Variants in COBL observed in about 807,000 individuals in gnomAD.
COBL encodes protein cordon-bleu.
Under a neutral mutation model 98.8 loss-of-function variants are expected in COBL, and 51 were observed. That is an observed-to-expected ratio of 0.52 (90% CI 0.41 to 0.65). COBL has a LOEUF of 0.65. COBL is among the 30% of genes least tolerant of loss of function. The probability of loss-of-function intolerance (pLI) is 0.00; values close to 1 mark genes in which losing one functional copy is unlikely to be tolerated. For missense variants in COBL, 1,617 were observed against 1,617.5 expected, an observed-to-expected ratio of 1.00 and a Z score of 0.01; for synonymous variants, 634 against 651.7, an observed-to-expected ratio of 0.97 and a Z score of 0.41.
chr7:51,248,046 G>C (rs1390169386), intron 1 of COBL, among the ~76,000 whole-genome samples: 1 of 152,030 alleles, frequency 6.6e-6, no homozygotes, highest in Non-Finnish European at 1.5e-5. Context: ...GGCTGAGGTG[G>C]GAGAATTGTC....
In COBL at chr7:51,190,404, C is replaced by T. The variant is rs571877718; in HGVS notation, c.685+446G>A. On this transcript the variant is annotated intron_variant, in intron 4 of 12. Transcript: ENST00000265136. The stretch of plus-strand genomic sequence containing the variant: ...TAATTTTAAAATTTTTTTGTAGAGA[C>T]GGGGTCTCACTATTTTGTCCAGGCT... 1.1e-4 allele frequency among the ~76,000 whole-genome samples: 16 copies of T among 151,980 alleles called. No individual in the cohort carries two copies. The South Asian group carries it at 1.2e-3, about 12-fold the overall frequency.
intron 8 of COBL, 115 bp from the exon 9 acceptor site, chr7:51,031,024 TA>T: frequency 1.4e-6 from 1 of 723,112 alleles, no homozygotes; most frequent in Non-Finnish European, 2.4e-6. Flanking sequence ...AGCAGTCACA[TA>T]CTCACTGTAC....
rs1253393260 is a variant in COBL, at chr7:51,065,165, C to A, written c.1096+20001G>T. The A allele has an allele frequency of 4.3e-6, 3 of 701,916 alleles. No homozygotes were observed. The Admixed American group carries it at 6.0e-5, about 14-fold the overall frequency. 43.5% of individuals were successfully genotyped at this position (701,916 alleles called of 1,614,324 possible). ...CTGATTAGGGATTGTCTCCCAAATG[C>A]CAATATTTCAGAGGTAGGTAAGACA... On this transcript the variant is annotated intron_variant, in intron 7 of 12. Transcript: ENST00000265136.
Position 51,079,491 on chromosome 7 carries a change from T to C in COBL, c.1096+5675A>G, listed in dbSNP as rs116854410. Among the ~76,000 whole-genome samples the C allele has an allele frequency of 5.7e-3, 871 of 152,352 alleles. 5 individuals are homozygous for C. The highest frequency in any genetic ancestry group is 9.8e-3 in the Non-Finnish European group (666 of 68,034). ...CACCTATCTGAAGGACGGATATAAA[T>C]ATGAATAAAACAGTTAAGCCTCCAA... On this transcript the variant is annotated intron_variant, in intron 7 of 12. Coordinates refer to ENST00000265136, the MANE Select transcript of COBL (RefSeq NM_015198.5).
chr7:51,306,743 C>G (rs1284676659), intron 1 of COBL, among the ~76,000 whole-genome samples: 1 of 152,072 alleles, frequency 6.6e-6, no homozygotes, highest in African/African-American at 2.4e-5. Flanking sequence ...ATCGCACATC[C>G]TAGAAAAGCA....
chr7:51,031,187 T>G, intron 8 of COBL: 1 of 366,230 alleles, frequency 2.7e-6, no homozygotes, highest in Non-Finnish European at 4.9e-6. Flanking sequence ...ATATGGTGTG[T>G]GTGTGGGGCC....
intron 4 of COBL, 60 bp downstream of exon 4, chr7:51,190,790 T>G (rs957807175): frequency 1.2e-5 from 16 of 1,374,378 alleles, no homozygotes; most frequent in Admixed American, 1.8e-5. Flanking sequence ...ACAGGGGACA[T>G]GTACACGCCG....
At chr7:51,209,119 T>C (rs1436413682) in intron 2 of COBL, among the ~76,000 whole-genome samples, 1 of 149,418 alleles carries the variant, frequency 6.7e-6, no homozygotes, top group Non-Finnish European at 1.5e-5. Context: ...CACTCGTTCA[T>C]TCCTCCGTGA....
chr7:51,207,839 G>A (rs1584174794), intron 2 of COBL, among the ~76,000 whole-genome samples: 1 of 152,206 alleles, frequency 6.6e-6, no homozygotes, highest in Non-Finnish European at 1.5e-5. Context: ...TGCAGCCTCT[G>A]CCCGGCCACC....
chr7:51,247,174 A>G (rs953744092), intron 1 of COBL, among the ~76,000 whole-genome samples: 8 of 152,244 alleles, frequency 5.3e-5, no homozygotes, highest in Non-Finnish European at 1.2e-4. Context: ...CTTGCACCTT[A>G]AAGGCCAGAG....
At chr7:51,114,588 G>A (rs893345681) in intron 6 of COBL, among the ~76,000 whole-genome samples, 5 of 152,160 alleles carry the variant, frequency 3.3e-5, no homozygotes, top group Non-Finnish European at 7.4e-5. Flanking sequence ...CAGAAATGAT[G>A]TATCTGCCAT....
At chr7:51,114,154 C>A (rs184490749) in intron 6 of COBL, among the ~76,000 whole-genome samples, 2 of 152,296 alleles carry the variant, frequency 1.3e-5, no homozygotes, top group East Asian at 3.9e-4. Context: ...CACAAGTCTA[C>A]GCTTGCCACA....
At chr7:51,315,272 AGAG>A (rs1217711771) in intron 1 of COBL, among the ~76,000 whole-genome samples, 13 of 147,338 alleles carry the variant, frequency 8.8e-5, no homozygotes, top group Non-Finnish European at 1.6e-4. Context: ...AAAAAAAAAA[AGAG>A]AGAGAGAAAG....
intron 1 of COBL, chr7:51,260,270 A>G: frequency 2.0e-6 from 1 of 487,864 alleles, no homozygotes; most frequent in Admixed American, 3.8e-5. Context: ...CCTAAAATAA[A>G]TTATGAAGTG....
intron 12 of COBL, among the ~76,000 whole-genome samples, chr7:51,024,478 C>T (rs569679066): frequency 6.6e-6 from 1 of 152,238 alleles, no homozygotes; most frequent in East Asian, 1.9e-4. Context: ...GCCATCTGGC[C>T]CAAGCAGCCC....
chr7:51,099,919 T>C (rs770284887), intron 6 of COBL, among the ~76,000 whole-genome samples: 7 of 152,210 alleles, frequency 4.6e-5, no homozygotes, highest in Non-Finnish European at 8.8e-5. Flanking sequence ...AAGACTTTTC[T>C]AGGCCTAGAG....
At chr7:51,251,642 C>T (rs1255736273) in intron 1 of COBL, among the ~76,000 whole-genome samples, 1 of 152,170 alleles carries the variant, frequency 6.6e-6, no homozygotes, top group Admixed American at 6.5e-5. Flanking sequence ...AGATTATTGC[C>T]TGGCATGGAC....
chr7:51,088,353 G>T, intron 6 of COBL, among the ~76,000 whole-genome samples: 1 of 145,244 alleles, frequency 6.9e-6, no homozygotes, highest in African/African-American at 2.6e-5. Flanking sequence ...CCCCCCTCTT[G>T]GAAATTTTCT....
At chr7:51,112,499 T>A (rs1032248797) in intron 6 of COBL, among the ~76,000 whole-genome samples, 3 of 152,216 alleles carry the variant, frequency 2.0e-5, no homozygotes, top group Non-Finnish European at 4.4e-5. Flanking sequence ...CCCATTCATG[T>A]TGGGGTGTCC....
Sources: allele counts gnomAD v4.1 joint callset (sites outside exome capture counted in the v4.1 genomes callset), GRCh38; gene constraint gnomAD v4.1.1; transcripts MANE v1.5; gene names NCBI Gene and HGNC (gene_info 2026-07-23, HGNC 2026-07-21).